Variants in HCRTR2 observed in about 807,000 individuals in gnomAD.
HCRTR2 encodes the protein orexin receptor type 2.
In HCRTR2, 22 loss-of-function variants were observed where a neutral mutation model predicts 49.0. That is an observed-to-expected ratio of 0.45 (90% CI 0.32 to 0.64). The LOEUF (loss-of-function observed/expected upper bound fraction) is 0.64. HCRTR2 is among the 30% of genes least tolerant of loss of function. The pLI is 0.04. For missense variants in HCRTR2, 491 were observed against 559.4 expected (o/e 0.88, Z 1.23); for synonymous variants, 236 against 205.3 (o/e 1.15, Z -1.28).
chr6:55,162,278 A>T (rs984492143), intron 1 of HCRTR2, among the ~76,000 whole-genome samples: 6 of 152,208 alleles, frequency 3.9e-5, no homozygotes, highest in Admixed American at 3.9e-4. Flanking sequence ...CCTTCAACAA[A>T]ATTTAACAGC....
chr6:55,115,502 GTGT>G (rs1764104170), intron 1 of HCRTR2, among the ~76,000 whole-genome samples: 2 of 149,126 alleles, frequency 1.3e-5, no homozygotes, highest in African/African-American at 5.0e-5. Context: ...GTGTGTGTGT[GTGT>G]GTGTGTGGTA....
chr6:55,135,549 T>A (rs1764422401), intron 1 of HCRTR2, among the ~76,000 whole-genome samples: 1 of 152,154 alleles, frequency 6.6e-6, no homozygotes, highest in African/African-American at 2.4e-5. Context: ...TGCTTCAGTT[T>A]GTGTTAGTTG....
intron 1 of HCRTR2, among the ~76,000 whole-genome samples, chr6:55,139,228 C>T (rs560292507): frequency 1.3e-5 from 2 of 152,254 alleles, no homozygotes; most frequent in African/African-American, 4.8e-5. Context: ...CACCTTTAGA[C>T]GTGGTAGCAG....
Position 55,131,955 on chromosome 6 carries a change from G to A in HCRTR2, c.-378+25410G>A, listed in dbSNP as rs189411739. Among the ~76,000 whole-genome samples, 45 of 151,828 alleles carry A rather than the reference G, an allele frequency of 3.0e-4. No homozygotes were observed. In the East Asian group the frequency reaches 7.7e-3, roughly 26 times the overall value. On this transcript the variant is annotated intron_variant, in intron 1 of 7. Coordinates refer to the HCRTR2 transcript ENST00000615358. ...TTTATAATCAATTTAAAGGCAATGC[G>A]TTTTAGGGGCAAAAATGACAGAATA...
intron 2 of HCRTR2, among the ~76,000 whole-genome samples, chr6:55,253,033 G>GT (rs1562022822): frequency 6.6e-6 from 1 of 151,974 alleles, no homozygotes; most frequent in African/African-American, 2.4e-5. Context: ...GAATGGAGAG[G>GT]TTAAATAATC....
intron 3 of HCRTR2, among the ~76,000 whole-genome samples, chr6:55,260,575 G>T (rs550593843): frequency 6.6e-6 from 1 of 152,088 alleles, no homozygotes; most frequent in Non-Finnish European, 1.5e-5. Flanking sequence ...CCTCAAATTG[G>T]TCTCTTAGAC....
intron 1 of HCRTR2, among the ~76,000 whole-genome samples, chr6:55,239,094 G>A (rs3134711): frequency 0.34 from 52,330 of 152,006 alleles, 9,659 homozygotes; most frequent in African/African-American, 0.48. Context: ...AGATGTGGGT[G>A]ACCAAAAGGT....
At chr6:55,229,736 G>T (rs1431461874) in intron 1 of HCRTR2, among the ~76,000 whole-genome samples, 1 of 152,104 alleles carries the variant, frequency 6.6e-6, no homozygotes, top group African/African-American at 2.4e-5. Context: ...GCTGGGAGGA[G>T]GCAGAAATGA....
chr6:55,119,005 T>C (rs1764158355), intron 1 of HCRTR2, among the ~76,000 whole-genome samples: 1 of 152,040 alleles, frequency 6.6e-6, no homozygotes, highest in Non-Finnish European at 1.5e-5. Flanking sequence ...TTCTCCTTGT[T>C]CAACTCTCAC....
chr6:55,132,630 G>A (rs186376930), intron 1 of HCRTR2, among the ~76,000 whole-genome samples: 7 of 151,834 alleles, frequency 4.6e-5, no homozygotes, highest in African/African-American at 7.2e-5. Flanking sequence ...TAGGACATAC[G>A]TTTCAGATTG....
chr6:55,235,475 C>G (rs531335433), intron 1 of HCRTR2, among the ~76,000 whole-genome samples: 2 of 152,152 alleles, frequency 1.3e-5, no homozygotes, highest in Non-Finnish European at 2.9e-5. Context: ...TTTTTGTCCT[C>G]TTTTGATATA....
intron 1 of HCRTR2, among the ~76,000 whole-genome samples, chr6:55,189,638 G>T (rs1765282270): frequency 6.6e-6 from 1 of 152,138 alleles, no homozygotes; most frequent in South Asian, 2.1e-4. Context: ...GGGGCCTGTT[G>T]TCGGGACTAT....
At chr6:55,174,940 T>G in intron 1 of HCRTR2, 130 bp downstream of exon 1, 1 of 680,222 alleles carries the variant, frequency 1.5e-6, no homozygotes, top group Non-Finnish European at 2.6e-6. Context: ...GGATGGGGTT[T>G]TCTAATAAAA....
intron 1 of HCRTR2, among the ~76,000 whole-genome samples, chr6:55,217,060 G>T (rs781059958): frequency 3.3e-5 from 5 of 152,124 alleles, no homozygotes; most frequent in Non-Finnish European, 7.4e-5. Context: ...TCTTGAGCCA[G>T]TTGGAGTGGC....
intron 4 of HCRTR2, among the ~76,000 whole-genome samples, chr6:55,270,876 A>G (rs145809018): frequency 1.3e-5 from 2 of 152,332 alleles, no homozygotes; most frequent in East Asian, 1.9e-4. Context: ...CAATTACAAA[A>G]TATCATTGAA....
At chr6:55,163,271 A>G (rs567058389) in intron 1 of HCRTR2, among the ~76,000 whole-genome samples, 1 of 151,640 alleles carries the variant, frequency 6.6e-6, no homozygotes, top group Non-Finnish European at 1.5e-5. Context: ...AAAAAAAAAA[A>G]CTACCTTAAA....
chr6:55,214,549 C>T (rs927203982), intron 1 of HCRTR2, among the ~76,000 whole-genome samples: 3 of 151,492 alleles, frequency 2.0e-5, no homozygotes, highest in Middle Eastern at 3.2e-3. Context: ...CTTTGTTGTT[C>T]AGGCTGGACT....
chr6:55,247,604 T>C (rs567991440), intron 1 of HCRTR2, among the ~76,000 whole-genome samples: 1 of 152,214 alleles, frequency 6.6e-6, no homozygotes, highest in South Asian at 2.1e-4. Context: ...CATGAATAGA[T>C]GTGATGGCAG....
At chr6:55,182,034 G>C (rs1377519672) in intron 1 of HCRTR2, among the ~76,000 whole-genome samples, 2 of 152,208 alleles carry the variant, frequency 1.3e-5, no homozygotes, top group African/African-American at 2.4e-5. Context: ...CTATGCCATA[G>C]TAGCAAACAA....
Sources: gnomAD v4.1 joint callset for allele counts (sites outside exome capture counted in the v4.1 genomes callset) on GRCh38, gnomAD v4.1.1 for gene constraint, MANE v1.5 for transcripts, NCBI Gene and HGNC (gene_info 2026-07-23, HGNC 2026-07-21) for gene names.